The following FGGY variants were observed in gnomAD, a reference collection of about 807,000 sequenced individuals.
The protein encoded by FGGY is FGGY carbohydrate kinase domain-containing protein.
FGGY carries 72 observed loss-of-function variants against 71.3 expected under a neutral mutation model. The observed-to-expected ratio is 1.01, with a 90% CI of 0.84 to 1.23. FGGY has a LOEUF of 1.23. Ranked by LOEUF, FGGY falls within the 50% of genes most tolerant of loss-of-function variation. FGGY has a pLI of 0.00. For synonymous variants in FGGY, 251 were observed against 250.3 expected (o/e 1.00, Z -0.02); for missense variants, 668 against 682.3 (o/e 0.98, Z 0.23).
intron 8 of FGGY, among the ~76,000 whole-genome samples, chr1:59,594,013 C>T (rs2096489325): frequency 6.6e-6 from 1 of 152,176 alleles, no homozygotes; most frequent in South Asian, 2.1e-4. Flanking sequence ...TGGGGGGCAG[C>T]TATTATATAA....
At chr1:59,415,097 C>T (rs187403427) in intron 5 of FGGY, among the ~76,000 whole-genome samples, 45 of 152,304 alleles carry the variant, frequency 3.0e-4, no homozygotes, top group African/African-American at 8.9e-4. Context: ...CACTCGCTAA[C>T]GGAGTTACCC....
At chr1:59,536,886 T>C (rs2095330676) in intron 7 of FGGY, among the ~76,000 whole-genome samples, 1 of 151,972 alleles carries the variant, frequency 6.6e-6, no homozygotes, top group Admixed American at 6.6e-5. Flanking sequence ...CCACAGCCAA[T>C]ATCATACTGA....
In FGGY at chr1:59,667,293, G is replaced by C. The variant is rs115580209; in HGVS notation, c.1307G>C (p.Arg436Pro). 1.2e-6 allele frequency: 2 copies of C among 1,613,982 alleles called. No individual in the cohort carries two copies. The highest frequency in any genetic ancestry group is 2.2e-5 in the East Asian group (1 of 44,876). ...GCTTTTCCTTTCAAGTTGGGGACTCGCTTCATTATAGAAGCCATGGAGGCA... is the reference window on the plus strand; with the variant it reads ...GCTTTTCCTTTCAAGTTGGGGACTCCCTTCATTATAGAAGCCATGGAGGCA... ...ATVQAIALGT[R>P]FIIEAMEAAG... The change falls in exon 13 of 16, where the codon CGC (arginine) becomes CCC (proline). Residue 436 changes from arginine to proline, a missense_variant. By Grantham distance (103) the Arg-to-Pro change is moderately radical (BLOSUM62 -2). Coordinates refer to ENST00000303721, the MANE Select transcript of FGGY (RefSeq NM_018291.5).
intron 10 of FGGY, among the ~76,000 whole-genome samples, chr1:59,635,947 C>G (rs1572418555): frequency 6.6e-6 from 1 of 152,202 alleles, no homozygotes; most frequent in African/African-American, 2.4e-5. Flanking sequence ...CTCTTCACCT[C>G]TTGAAGCATC....
At chr1:59,331,510 A>C (rs2153173373) in intron 2 of FGGY, among the ~76,000 whole-genome samples, 1 of 152,210 alleles carries the variant, frequency 6.6e-6, no homozygotes, top group South Asian at 2.1e-4. Flanking sequence ...GATTTCCATG[A>C]GGTCCACTCC....
intron 1 of FGGY, among the ~76,000 whole-genome samples, chr1:59,310,772 A>G (rs1203156943): frequency 1.3e-5 from 2 of 152,194 alleles, no homozygotes; most frequent in African/African-American, 4.8e-5. Context: ...TGGGAGGGAG[A>G]CTGCTCCAAA....
intron 8 of FGGY, among the ~76,000 whole-genome samples, chr1:59,605,774 C>CA (rs2096617941): frequency 6.6e-6 from 1 of 152,076 alleles, no homozygotes; most frequent in African/African-American, 2.4e-5. Flanking sequence ...GAGGTCAAGA[C>CA]AAATAAGGTC....
At chr1:59,684,797 G>A (rs991145179) in intron 14 of FGGY, among the ~76,000 whole-genome samples, 12 of 152,150 alleles carry the variant, frequency 7.9e-5, no homozygotes, top group Non-Finnish European at 1.8e-4. Flanking sequence ...GAACACACCT[G>A]GCTGGGCAAG....
At chr1:59,465,146 T>G (rs1201380391) in intron 6 of FGGY, among the ~76,000 whole-genome samples, 1 of 152,122 alleles carries the variant, frequency 6.6e-6, no homozygotes, top group Non-Finnish European at 1.5e-5. Context: ...CAGCAGCACA[T>G]CAAAAAGTTT....
intron 8 of FGGY, among the ~76,000 whole-genome samples, chr1:59,563,949 C>T (rs866614140): frequency 3.2e-4 from 49 of 152,174 alleles, no homozygotes; most frequent in African/African-American, 1.2e-3. Context: ...GAAAGATTCC[C>T]TATTTAATAA....
intron 1 of FGGY, among the ~76,000 whole-genome samples, chr1:59,305,560 G>A (rs568960545): frequency 1.5e-4 from 23 of 152,248 alleles, no homozygotes; most frequent in Admixed American, 2.6e-4. Context: ...AAGGGTAATG[G>A]TAATGCTGGC....
chr1:59,469,909 C>T (rs1223899103), intron 6 of FGGY, among the ~76,000 whole-genome samples: 1 of 152,166 alleles, frequency 6.6e-6, no homozygotes, highest in African/African-American at 2.4e-5. Flanking sequence ...CCATCCATGT[C>T]CCTGCAAAGG....
chr1:59,542,990 A>G (rs1181103305), intron 7 of FGGY, among the ~76,000 whole-genome samples: 1 of 152,192 alleles, frequency 6.6e-6, no homozygotes, highest in Admixed American at 6.5e-5. Context: ...TGTCAAGAGC[A>G]GGTGCAGAGG....
chr1:59,447,724 G>A (rs2071626985), intron 5 of FGGY, among the ~76,000 whole-genome samples: 1 of 152,172 alleles, frequency 6.6e-6, no homozygotes, highest in Non-Finnish European at 1.5e-5. Flanking sequence ...CTTGTCTGCT[G>A]CCATATAAGA....
intron 2 of FGGY, among the ~76,000 whole-genome samples, chr1:59,324,703 C>T (rs571202390): frequency 5.8e-4 from 89 of 152,320 alleles, no homozygotes; most frequent in African/African-American, 2.1e-3. Context: ...GCTGTCCCTG[C>T]CACTGCTACT....
rs769018958 is a variant in FGGY, at chr1:59,762,616, T to A, written c.*32T>A. On this transcript the variant is annotated 3_prime_UTR_variant, in exon 16 of 16. Coordinates refer to ENST00000303721, the MANE Select transcript of FGGY (RefSeq NM_018291.5). ...CTTGCAGGTGCTGATGCCAGAAGCT[T>A]CTGTGCCATTGCATTAAAGACTTGT... 1 of 1,520,012 alleles carries A rather than the reference T, an allele frequency of 6.6e-7. No homozygotes were observed. The highest frequency in any genetic ancestry group is 1.6e-5 in the African/African-American group (1 of 63,230). The allele number at this position is 1,520,012 out of a possible 1,614,324, so 94.2% of individuals were successfully genotyped here.
chr1:59,313,884 A>C (rs927743343), intron 1 of FGGY, among the ~76,000 whole-genome samples: 4 of 152,210 alleles, frequency 2.6e-5, no homozygotes, highest in Admixed American at 1.3e-4. Context: ...GGGTATATCC[A>C]GATCTCACAT....
intron 7 of FGGY, among the ~76,000 whole-genome samples, chr1:59,534,074 A>T (rs1467844870): frequency 6.6e-6 from 1 of 152,208 alleles, no homozygotes; most frequent in African/African-American, 2.4e-5. Flanking sequence ...AAGAAGTTGA[A>T]AACTTTGAAA....
At chr1:59,320,722 C>G (rs1423968347) in intron 1 of FGGY, among the ~76,000 whole-genome samples, 1 of 152,206 alleles carries the variant, frequency 6.6e-6, no homozygotes, top group Non-Finnish European at 1.5e-5. Context: ...CATGACAAAG[C>G]TGCAATATAT....
Sources: gnomAD v4.1 joint callset for allele counts (sites outside exome capture counted in the v4.1 genomes callset) on GRCh38, gnomAD v4.1.1 for gene constraint, MANE v1.5 for transcripts, NCBI Gene and HGNC (gene_info 2026-07-23, HGNC 2026-07-21) for gene names.